The following RAPGEF4 variants were observed in gnomAD, a reference collection of about 807,000 sequenced individuals.
RAPGEF4 encodes the protein RAP guanine-nucleotide-exchange factor (GEF) 4.
A neutral mutation model predicts 147.9 loss-of-function variants in RAPGEF4; 66 were observed. That is an observed-to-expected ratio of 0.45 (90% CI 0.37 to 0.55). The LOEUF (loss-of-function observed/expected upper bound fraction) is 0.55, where lower values mean the gene tolerates loss of function less well. Among genes scored for constraint, RAPGEF4 ranks in the 20% least tolerant of loss-of-function variants. The probability of loss-of-function intolerance (pLI) is 0.00; values close to 1 mark genes in which losing one functional copy is unlikely to be tolerated. For missense variants in RAPGEF4, 1,071 were observed against 1,257.3 expected (o/e 0.85, Z 2.24); for synonymous variants, 419 against 442.7 (o/e 0.95, Z 0.67).
chr2:172,979,776 G>A (rs1691481974), intron 10 of RAPGEF4, among the ~76,000 whole-genome samples: 1 of 152,200 alleles, frequency 6.6e-6, no homozygotes, highest in Non-Finnish European at 1.5e-5. Flanking sequence ...AGCATTTTGG[G>A]AGGCTAAGGC....
chr2:172,786,127 T>C (rs1685173687), intron 1 of RAPGEF4, among the ~76,000 whole-genome samples: 1 of 152,092 alleles, frequency 6.6e-6, no homozygotes. Flanking sequence ...TAATCCAGAG[T>C]TGACTGAATT....
chr2:172,745,192 A>T (rs1211261159), intron 1 of RAPGEF4, among the ~76,000 whole-genome samples: 1 of 152,118 alleles, frequency 6.6e-6, no homozygotes, highest in Non-Finnish European at 1.5e-5. Context: ...TTATTTTACA[A>T]ATGTCTTATA....
chr2:172,782,706 G>A (rs1308960547), intron 1 of RAPGEF4, among the ~76,000 whole-genome samples: 5 of 152,164 alleles, frequency 3.3e-5, no homozygotes, highest in African/African-American at 9.7e-5. Context: ...AAGAAGCCTC[G>A]GTTATCTGAG....
At chr2:172,830,220 G>A (rs1690142505) in intron 4 of RAPGEF4, among the ~76,000 whole-genome samples, 1 of 152,206 alleles carries the variant, frequency 6.6e-6, no homozygotes, top group Non-Finnish European at 1.5e-5. Context: ...AAAAGTACTT[G>A]TCATCAAGCT....
In RAPGEF4 at chr2:172,999,578, A is replaced by G. The variant is rs372627137; in HGVS notation, c.1580-1688A>G. Among the ~76,000 whole-genome samples the G allele has an allele frequency of 8.5e-5, 13 of 152,362 alleles. No homozygotes were observed. In the East Asian group the frequency reaches 1.7e-3, roughly 20 times the overall value. ...TTATATTTTTACTTTTAAAACCAGCATTAGTCATGGAGTGACTTGGTAAAT... is the reference window on the plus strand; with the variant it reads ...TTATATTTTTACTTTTAAAACCAGCGTTAGTCATGGAGTGACTTGGTAAAT... On this transcript the variant is annotated intron_variant, in intron 16 of 30. Coordinates refer to ENST00000397081, the MANE Select transcript of RAPGEF4 (RefSeq NM_007023.4).
At chr2:172,894,944 T>G (rs1158593975) in intron 4 of RAPGEF4, among the ~76,000 whole-genome samples, 1 of 152,072 alleles carries the variant, frequency 6.6e-6, no homozygotes. Context: ...TTCTGCATGT[T>G]TGTTGCCCAA....
intron 6 of RAPGEF4, among the ~76,000 whole-genome samples, chr2:172,958,024 A>G (rs1688917609): frequency 6.6e-6 from 1 of 152,220 alleles, no homozygotes; most frequent in East Asian, 1.9e-4. Context: ...AAAACATGCA[A>G]TCTTCAAATA....
rs562642681 is a variant in RAPGEF4 at position 172,803,384 on chromosome 2, G to T, written c.297+5771G>T. Reference sequence around the variant, plus strand: ...CACATGGAAGCTGCCAAGGCTTGGGGCTTGCACCCTCTGAAGCCATGGCCC... The same window carrying T: ...CACATGGAAGCTGCCAAGGCTTGGGTCTTGCACCCTCTGAAGCCATGGCCC... On this transcript the variant is annotated intron_variant, in intron 3 of 30. Transcript: ENST00000397081. 8.5e-5 allele frequency among the ~76,000 whole-genome samples: 13 copies of T among 152,312 alleles called. No homozygotes were observed. In the East Asian group the frequency reaches 2.1e-3, roughly 25 times the overall value.
intron 6 of RAPGEF4, among the ~76,000 whole-genome samples, chr2:172,932,987 C>T (rs1017980809): frequency 1.3e-5 from 2 of 152,046 alleles, no homozygotes; most frequent in Non-Finnish European, 2.9e-5. Flanking sequence ...AAGTAAATTA[C>T]TATTAGAAAT....
chr2:172,981,247 C>T (rs1341652277), intron 10 of RAPGEF4, among the ~76,000 whole-genome samples: 1 of 152,206 alleles, frequency 6.6e-6, no homozygotes, highest in Non-Finnish European at 1.5e-5. Flanking sequence ...GCAAGAACAG[C>T]AGGGCTGCTC....
intron 4 of RAPGEF4, among the ~76,000 whole-genome samples, chr2:172,837,711 G>A (rs1469102199): frequency 6.6e-6 from 1 of 152,124 alleles, no homozygotes; most frequent in Non-Finnish European, 1.5e-5. Context: ...GGGACTACAG[G>A]TGTGCACCGC....
chr2:172,748,940 A>T (rs1695015368), intron 1 of RAPGEF4, among the ~76,000 whole-genome samples: 1 of 152,254 alleles, frequency 6.6e-6, no homozygotes, highest in African/African-American at 2.4e-5. Flanking sequence ...CCAGTGGGGC[A>T]GTCAAATCTT....
At position 172,741,236 on chromosome 2, in the gene RAPGEF4, C is replaced by T. The variant is rs531641077; in HGVS notation, c.65+5188C>T. On this transcript the variant is annotated intron_variant, in intron 1 of 30. Coordinates refer to ENST00000397081, the MANE Select transcript of RAPGEF4 (RefSeq NM_007023.4). ...ACTCTGTAATAACATAGCACAAGTC[C>T]GATTCCATTGTAATGGCCTGCTTAC... Among the ~76,000 whole-genome samples the T allele has an allele frequency of 2.0e-3, 305 of 152,356 alleles. 1 individual carries two copies. Among genetic ancestry groups the T allele is most frequent in the Non-Finnish European group, 6.8e-4 (46 of 68,032 alleles).
At chr2:172,797,315 C>A (rs917904236) in intron 2 of RAPGEF4, among the ~76,000 whole-genome samples, 1 of 152,046 alleles carries the variant, frequency 6.6e-6, no homozygotes, top group Non-Finnish European at 1.5e-5. Context: ...TAATAAGGTT[C>A]CACTTCACAG....
At chr2:172,916,947 C>T (rs1027098633) in intron 4 of RAPGEF4, among the ~76,000 whole-genome samples, 1 of 152,164 alleles carries the variant, frequency 6.6e-6, no homozygotes, top group African/African-American at 2.4e-5. Flanking sequence ...ATACATGACA[C>T]CATGCAATAA....
chr2:173,026,524 A>G, intron 23 of RAPGEF4, 48 bp from the exon 24 acceptor site: 1 of 1,585,812 alleles, frequency 6.3e-7, no homozygotes, highest in Non-Finnish European at 8.6e-7. Flanking sequence ...AGTGCTAAAT[A>G]CTTGTCTGTG....
rs191641141 is a variant in RAPGEF4, at chr2:172,959,448, A to G, written c.538-1312A>G. Among the ~76,000 whole-genome samples the G allele has an allele frequency of 1.4e-3, 210 of 152,306 alleles. 1 individual carries two copies. The highest frequency in any genetic ancestry group is 2.3e-3 in the Non-Finnish European group (156 of 68,036). Reference sequence around the variant, plus strand: ...CCTTGGTTTGATGCTTAACTTAATCATATTTTTGGAGTCCCTTTTGCCGTG... The same window carrying G: ...CCTTGGTTTGATGCTTAACTTAATCGTATTTTTGGAGTCCCTTTTGCCGTG... On this transcript the variant is annotated intron_variant, in intron 6 of 30. Transcript: ENST00000397081.
chr2:172,970,182 C>T (rs1425591050), intron 10 of RAPGEF4, among the ~76,000 whole-genome samples: 4 of 140,060 alleles, frequency 2.9e-5, no homozygotes, highest in Non-Finnish European at 3.1e-5. Context: ...CACACACACC[C>T]TTTTTTTTTT....
chr2:172,862,094 G>A (rs1336057049), intron 4 of RAPGEF4, among the ~76,000 whole-genome samples: 2 of 152,220 alleles, frequency 1.3e-5, no homozygotes, highest in Non-Finnish European at 2.9e-5. Flanking sequence ...CAAAGTGGTA[G>A]AATGAGGTAA....
Sources: gnomAD v4.1 joint callset for allele counts (sites outside exome capture counted in the v4.1 genomes callset) on GRCh38, gnomAD v4.1.1 for gene constraint, MANE v1.5 for transcripts, NCBI Gene and HGNC (gene_info 2026-07-23, HGNC 2026-07-21) for gene names.